Variants in ANKRD55 observed in about 807,000 individuals in gnomAD.
ANKRD55 encodes the protein ankyrin repeat domain 55, also known as ankyrin repeat domain-containing protein 55.
ANKRD55 carries 41 observed loss-of-function variants against 60.6 expected under a neutral mutation model. That is an observed-to-expected ratio of 0.68 (90% CI 0.53 to 0.88). ANKRD55 has a LOEUF of 0.88. Among genes scored for constraint, ANKRD55 ranks in the 40% least tolerant of loss-of-function variants. The probability of loss-of-function intolerance (pLI) is 0.00; values close to 1 mark genes in which losing one functional copy is unlikely to be tolerated. For missense variants in ANKRD55, 732 were observed against 767.6 expected (o/e 0.95, Z 0.55); for synonymous variants, 264 against 290.3 (o/e 0.91, Z 0.92).
chr5:56,120,317 G>A (rs1377679872), intron 8 of ANKRD55, among the ~76,000 whole-genome samples: 2 of 151,946 alleles, frequency 1.3e-5, no homozygotes, highest in Non-Finnish European at 2.9e-5. Flanking sequence ...GTGAGCCACC[G>A]CACCAAGCCC....
intron 2 of ANKRD55, among the ~76,000 whole-genome samples, chr5:56,224,609 G>C (rs966436354): frequency 6.6e-6 from 1 of 151,298 alleles, no homozygotes; most frequent in Non-Finnish European, 1.5e-5. Flanking sequence ...ATAAAGAAGA[G>C]AGAAGAATCA....
intron 9 of ANKRD55, among the ~76,000 whole-genome samples, chr5:56,113,516 C>T (rs941786829): frequency 2.0e-5 from 3 of 152,142 alleles, no homozygotes; most frequent in Non-Finnish European, 4.4e-5. Context: ...GGTAAAGCAG[C>T]TGTGCAATTG....
intron 2 of ANKRD55, among the ~76,000 whole-genome samples, chr5:56,189,164 T>A (rs749930903): frequency 6.6e-6 from 1 of 151,928 alleles, no homozygotes; most frequent in Non-Finnish European, 1.5e-5. Context: ...ATAGTAGCCT[T>A]CAGATAGTTA....
chr5:56,141,796 A>G (rs999561509), intron 7 of ANKRD55, among the ~76,000 whole-genome samples: 11 of 152,226 alleles, frequency 7.2e-5, no homozygotes, highest in Admixed American at 6.5e-4. Context: ...TGTGGAGAAA[A>G]TCAGGAACCC....
At chr5:56,227,883 A>T (rs1004713140) in intron 2 of ANKRD55, among the ~76,000 whole-genome samples, 5 of 152,310 alleles carry the variant, frequency 3.3e-5, no homozygotes, top group Non-Finnish European at 5.9e-5. Context: ...CTCCATAAAC[A>T]TTCGCTCTTG....
At chr5:56,161,973 G>C (rs1471712904) in intron 5 of ANKRD55, 1 of 985,278 alleles carries the variant, frequency 1.0e-6, no homozygotes, top group African/African-American at 1.7e-5. Context: ...AGTGGGGGCA[G>C]GGCTTACCTT....
intron 6 of ANKRD55, among the ~76,000 whole-genome samples, chr5:56,153,671 C>A (rs1758113513): frequency 6.6e-6 from 1 of 151,632 alleles, no homozygotes; most frequent in South Asian, 2.1e-4. Context: ...AACCCTGTCT[C>A]TACTAATATA....
At chr5:56,201,918 G>C (rs569574833) in intron 2 of ANKRD55, among the ~76,000 whole-genome samples, 1 of 152,176 alleles carries the variant, frequency 6.6e-6, no homozygotes, top group Non-Finnish European at 1.5e-5. Context: ...TGATAAACTG[G>C]ATAGAGAAAA....
chr5:56,139,768 A>G (rs2111751260), intron 7 of ANKRD55, among the ~76,000 whole-genome samples: 1 of 152,308 alleles, frequency 6.6e-6, no homozygotes. Context: ...TTGTTGGAAG[A>G]GCTCTGTAAG....
chr5:56,142,402 G>A (rs1319872393), intron 7 of ANKRD55, among the ~76,000 whole-genome samples: 1 of 152,178 alleles, frequency 6.6e-6, no homozygotes, highest in African/African-American at 2.4e-5. Flanking sequence ...GGCCCAGCGG[G>A]GGTCTGGGAA....
intron 2 of ANKRD55, among the ~76,000 whole-genome samples, chr5:56,215,994 T>G (rs938433502): frequency 7.2e-6 from 1 of 137,992 alleles, no homozygotes; most frequent in East Asian, 2.1e-4. Context: ...AGGCTGGGGT[T>G]AAGAGATGCT....
At chr5:56,219,090 T>C (rs1156758517) in intron 2 of ANKRD55, among the ~76,000 whole-genome samples, 1 of 151,752 alleles carries the variant, frequency 6.6e-6, no homozygotes, top group Non-Finnish European at 1.5e-5. Context: ...CTGGCCAACA[T>C]GGCAAAAACC....
At chr5:56,194,185 G>A (rs556170754) in intron 2 of ANKRD55, among the ~76,000 whole-genome samples, 17 of 152,026 alleles carry the variant, frequency 1.1e-4, no homozygotes, top group South Asian at 2.1e-4. Context: ...GCGTGGTGGC[G>A]CGCACCTGTA....
chr5:56,165,789 C>T (rs1411928735), intron 5 of ANKRD55, among the ~76,000 whole-genome samples: 2 of 152,006 alleles, frequency 1.3e-5, no homozygotes, highest in Non-Finnish European at 2.9e-5. Context: ...ATTTTCCGGG[C>T]ATGGTGGTGC....
In ANKRD55 at chr5:56,135,257, TCCTTCTTTCCC is replaced by T. The variant is rs1561263755; in HGVS notation, c.613-8162_613-8152del. The stretch of plus-strand genomic sequence containing the variant: ...TTCCTTCCTTCCTTCCTTCCTTCCT[TCCTTCTTTCCC>T]TCCCTCCCTCCCTGCCTGCCTGCTT... On this transcript the variant is annotated intron_variant, in intron 7 of 11. Coordinates refer to ENST00000341048, the MANE Select transcript of ANKRD55 (RefSeq NM_024669.3). 2.4e-3 allele frequency among the ~76,000 whole-genome samples: 319 copies of T among 131,306 alleles called. 11 individuals are homozygous for T. Among genetic ancestry groups the T allele is most frequent in the African/African-American group, 9.6e-3 (303 of 31,608 alleles). The allele number at this position is 131,306 out of a possible 152,430, so 86.1% of individuals were successfully genotyped here.
chr5:56,209,350 C>T (rs1040650200), intron 2 of ANKRD55, among the ~76,000 whole-genome samples: 1 of 152,098 alleles, frequency 6.6e-6, no homozygotes, highest in African/African-American at 2.4e-5. Flanking sequence ...ATGGACTGGA[C>T]TCAGCATTAC....
In ANKRD55 at chr5:56,143,814, T is replaced by A; in HGVS notation, c.599A>T (p.His200Leu). ...LVDKDFKTAL[H>L]WAVQSGNRIL... ...TCAATTTCTCACCTGGACTGCCCAGTGGAGAGCGGTTTTAAAGTCTTTATC... is the reference window on the plus strand; with the variant it reads ...TCAATTTCTCACCTGGACTGCCCAGAGGAGAGCGGTTTTAAAGTCTTTATC... Residue 200 changes from histidine (H) to leucine (L), a missense_variant, in exon 7 of 12, where the codon CAC becomes CTC. This residue lies in a region of ANKRD55 where 597 missense variants were observed against 607.5 expected (regional missense o/e 0.98). Transcript: ENST00000341048. The A allele has an allele frequency of 6.2e-7, 1 of 1,614,190 alleles. No individual in the cohort carries two copies. The highest frequency in any genetic ancestry group is 8.5e-7 in the Non-Finnish European group (1 of 1,180,012).
intron 6 of ANKRD55, among the ~76,000 whole-genome samples, chr5:56,153,015 A>G (rs1423044059): frequency 6.6e-6 from 1 of 152,218 alleles, no homozygotes; most frequent in Non-Finnish European, 1.5e-5. Flanking sequence ...CCAACAGCCT[A>G]CGAAAAAGTA....
chr5:56,162,293 A>G (rs954294813), intron 5 of ANKRD55, among the ~76,000 whole-genome samples: 1 of 152,128 alleles, frequency 6.6e-6, no homozygotes, highest in African/African-American at 2.4e-5. Context: ...ATAGTTCTCT[A>G]TTTGGCTTTC....
Sources: gnomAD v4.1 joint callset for allele counts (sites outside exome capture counted in the v4.1 genomes callset) on GRCh38, gnomAD v4.1.1 for gene constraint, gnomAD v4.1.1 regional missense constraint, MANE v1.5 for transcripts, NCBI Gene and HGNC (gene_info 2026-07-23, HGNC 2026-07-21) for gene names.